Variants in PLXDC2 observed in about 807,000 individuals in gnomAD.
The protein encoded by PLXDC2 is plexin domain-containing protein 2.
Under a neutral mutation model 68.9 loss-of-function variants are expected in PLXDC2, and 40 were observed. That is an observed-to-expected ratio of 0.58 (90% CI 0.45 to 0.76). The LOEUF (loss-of-function observed/expected upper bound fraction) is 0.76, where lower values mean the gene tolerates loss of function less well. Ranked by LOEUF, PLXDC2 falls within the 30% of genes least tolerant of loss-of-function variation. The pLI is 0.00. For synonymous variants in PLXDC2, 243 were observed against 234.2 expected (o/e 1.04, Z -0.34); for missense variants, 644 against 661.9 (o/e 0.97, Z 0.30).
intron 3 of PLXDC2, among the ~76,000 whole-genome samples, chr10:20,067,436 A>G (rs111699265): frequency 0.068 from 10,424 of 152,238 alleles, 708 homozygotes; most frequent in African/African-American, 0.17. Context: ...CTGTAATCCA[A>G]GCACTTTGGG....
chr10:20,206,423 G>A (rs1048776061), intron 9 of PLXDC2, among the ~76,000 whole-genome samples: 13 of 152,084 alleles, frequency 8.5e-5, no homozygotes, highest in Non-Finnish European at 1.6e-4. Context: ...CTATTTCTTG[G>A]AGGAGATTGG....
intron 1 of PLXDC2, among the ~76,000 whole-genome samples, chr10:19,848,064 A>G (rs1450024855): frequency 6.6e-6 from 1 of 152,148 alleles, no homozygotes; most frequent in Non-Finnish European, 1.5e-5. Flanking sequence ...TCATGCCTGT[A>G]ATCCCAGTAT....
At chr10:19,984,054 G>A (rs1834596345) in intron 1 of PLXDC2, among the ~76,000 whole-genome samples, 1 of 152,148 alleles carries the variant, frequency 6.6e-6, no homozygotes, top group Non-Finnish European at 1.5e-5. Context: ...TATTCCCATG[G>A]GTCGTCGAAG....
chr10:20,220,548 C>T (rs1206480930), intron 12 of PLXDC2, among the ~76,000 whole-genome samples: 2 of 151,798 alleles, frequency 1.3e-5, no homozygotes, highest in African/African-American at 4.8e-5. Context: ...CTAAAATATT[C>T]TATCCTGCTA....
chr10:20,177,355 C>G lies in PLXDC2; in HGVS notation c.1007C>G (p.Pro336Arg), dbSNP rs1180329413. Residue 336 changes from proline (P) to arginine (R), a missense_variant, in exon 9 of 14, where the codon CCC becomes CGC. Physicochemically the swap from Pro to Arg is moderately radical, Grantham distance 103. Transcript: ENST00000377252. ...PTCLQFNRCG[P>R]CVSSQIGFNC... ...TGCCTCCAGTTTAACAGATGTGGCC[C>G]CTGTGTATCTTCTCAGATTGGCTTC... 3.7e-6 allele frequency: 6 copies of G among 1,604,750 alleles called. No homozygotes were observed. The highest frequency in any genetic ancestry group is 3.4e-6 in the Non-Finnish European group (4 of 1,172,578).
intron 1 of PLXDC2, among the ~76,000 whole-genome samples, chr10:19,873,564 T>C (rs12767091): frequency 0.34 from 51,409 of 151,780 alleles, 8,762 homozygotes; most frequent in East Asian, 0.39. Context: ...GGACTACAGG[T>C]GTGCACCACA....
At chr10:19,979,064 C>G (rs1231585212) in intron 1 of PLXDC2, among the ~76,000 whole-genome samples, 1 of 152,198 alleles carries the variant, frequency 6.6e-6, no homozygotes, top group Non-Finnish European at 1.5e-5. Context: ...GTTGAAGATT[C>G]TCAGTCCATG....
intron 6 of PLXDC2, among the ~76,000 whole-genome samples, chr10:20,161,212 T>C (rs1488423715): frequency 1.3e-5 from 2 of 152,296 alleles, no homozygotes; most frequent in East Asian, 1.9e-4. Flanking sequence ...CTGGTTCTAC[T>C]GATATGGGCT....
intron 2 of PLXDC2, among the ~76,000 whole-genome samples, chr10:20,030,046 C>T (rs1589595335): frequency 1.3e-5 from 2 of 152,046 alleles, no homozygotes; most frequent in East Asian, 3.9e-4. Flanking sequence ...CAAATGAAGG[C>T]ACTCTTAGAG....
intron 2 of PLXDC2, among the ~76,000 whole-genome samples, chr10:20,036,873 T>C (rs1421033098): frequency 6.6e-6 from 1 of 152,192 alleles, no homozygotes; most frequent in African/African-American, 2.4e-5. Context: ...CAATCTACAA[T>C]TTATCAACAA....
intron 1 of PLXDC2, among the ~76,000 whole-genome samples, chr10:19,929,312 A>G (rs1833590598): frequency 6.6e-6 from 1 of 152,008 alleles, no homozygotes; most frequent in South Asian, 2.1e-4. Flanking sequence ...GACCAGAGAG[A>G]CCCCTTGATT....
At chr10:20,065,667 G>A (rs1239511884) in intron 3 of PLXDC2, among the ~76,000 whole-genome samples, 3 of 152,146 alleles carry the variant, frequency 2.0e-5, no homozygotes, top group African/African-American at 7.2e-5. Context: ...CCATCTGAGG[G>A]TAATGGATGA....
intron 4 of PLXDC2, among the ~76,000 whole-genome samples, chr10:20,130,126 T>C (rs1833847865): frequency 6.6e-6 from 1 of 152,150 alleles, no homozygotes; most frequent in African/African-American, 2.4e-5. Flanking sequence ...ATATTTTTAA[T>C]TTTCAATTCT....
chr10:19,947,219 C>G (rs1033399289), intron 1 of PLXDC2, among the ~76,000 whole-genome samples: 2 of 152,086 alleles, frequency 1.3e-5, no homozygotes, highest in Non-Finnish European at 2.9e-5. Flanking sequence ...CCTATGGAAA[C>G]TTTGATTTTA....
At chr10:20,212,744 C>G (rs901324285) in intron 10 of PLXDC2, among the ~76,000 whole-genome samples, 1 of 152,068 alleles carries the variant, frequency 6.6e-6, no homozygotes, top group Non-Finnish European at 1.5e-5. Context: ...TGCAGTATTG[C>G]CAGTGTAGCT....
chr10:19,944,235 G>A, intron 1 of PLXDC2, among the ~76,000 whole-genome samples: 1 of 151,946 alleles, frequency 6.6e-6, no homozygotes, highest in East Asian at 1.9e-4. Flanking sequence ...CCATCCCATC[G>A]GCTTCTGTAT....
intron 12 of PLXDC2, among the ~76,000 whole-genome samples, chr10:20,234,838 G>A (rs528767308): frequency 6.6e-6 from 1 of 152,042 alleles, no homozygotes; most frequent in Non-Finnish European, 1.5e-5. Context: ...TAAGGTTCCA[G>A]TACTGAGGCA....
intron 1 of PLXDC2, among the ~76,000 whole-genome samples, chr10:19,974,027 G>A (rs1259409234): frequency 1.3e-5 from 2 of 152,126 alleles, no homozygotes; most frequent in East Asian, 3.8e-4. Context: ...TAAGACTTGG[G>A]ATATTTTATG....
At chr10:19,865,769 G>T (rs1009014730) in intron 1 of PLXDC2, among the ~76,000 whole-genome samples, 1 of 152,148 alleles carries the variant, frequency 6.6e-6, no homozygotes, top group Non-Finnish European at 1.5e-5. Flanking sequence ...CATAAAGTTG[G>T]TTTTCACAGT....
Sources: gnomAD v4.1 joint callset for allele counts (sites outside exome capture counted in the v4.1 genomes callset) on GRCh38, gnomAD v4.1.1 for gene constraint, MANE v1.5 for transcripts, NCBI Gene and HGNC (gene_info 2026-07-23, HGNC 2026-07-21) for gene names.